Variants in SETD2 observed in about 807,000 individuals in gnomAD.
The protein encoded by SETD2 is histone-lysine N-methyltransferase SETD2.
In SETD2, 31 loss-of-function variants were observed where a neutral mutation model predicts 242.1. That is an observed-to-expected ratio of 0.13 (90% confidence interval 0.10 to 0.17). SETD2 has a LOEUF of 0.17. SETD2 is among the 10% of genes least tolerant of loss of function. The probability of loss-of-function intolerance (pLI) is 1.00; values close to 1 mark genes in which losing one functional copy is unlikely to be tolerated. For synonymous variants in SETD2, 1,006 were observed against 1,066.5 expected (o/e 0.94, Z 1.11); for missense variants, 2,481 against 3,046.3 (o/e 0.81, Z 4.37).
At chr3:47,062,573 T>C (rs1415826897) in intron 13 of SETD2, among the ~76,000 whole-genome samples, 2 of 152,190 alleles carry the variant, frequency 1.3e-5, no homozygotes, top group Non-Finnish European at 2.9e-5. Context: ...CCTTTTCTCC[T>C]CTTTCCCTCC....
intron 1 of SETD2, among the ~76,000 whole-genome samples, chr3:47,131,636 T>C (rs1322234775): frequency 6.6e-6 from 1 of 151,988 alleles, no homozygotes; most frequent in African/African-American, 2.4e-5. Flanking sequence ...CCACTGCACC[T>C]GGCCAAATTA....
At chr3:47,047,558 C>A (rs2039587208) in intron 15 of SETD2, among the ~76,000 whole-genome samples, 1 of 152,064 alleles carries the variant, frequency 6.6e-6, no homozygotes, top group South Asian at 2.1e-4. Context: ...ACTCAAAATA[C>A]AAAATATAAT....
intron 18 of SETD2, among the ~76,000 whole-genome samples, chr3:47,021,466 T>C (rs901904781): frequency 6.6e-5 from 10 of 152,116 alleles, no homozygotes; most frequent in African/African-American, 2.4e-4. Context: ...CCTGACTTGA[T>C]GAGGTTGGCG....
At chr3:47,079,652 C>A (rs2041243371) in intron 12 of SETD2, among the ~76,000 whole-genome samples, 1 of 152,104 alleles carries the variant, frequency 6.6e-6, no homozygotes, top group South Asian at 2.1e-4. Flanking sequence ...GCTTTGTGAG[C>A]CATCCAGTCT....
chr3:47,070,425 A>T (rs569647822), intron 12 of SETD2, among the ~76,000 whole-genome samples: 81 of 152,316 alleles, frequency 5.3e-4, no homozygotes, highest in African/African-American at 1.8e-3. Context: ...CTGGCAACTC[A>T]AATTACCTAC....
chr3:47,080,589 C>T (rs953325706), intron 12 of SETD2, among the ~76,000 whole-genome samples: 1 of 152,166 alleles, frequency 6.6e-6, no homozygotes, highest in South Asian at 2.1e-4. Flanking sequence ...GGGTGATATG[C>T]AACAATTTCT....
intron 18 of SETD2, among the ~76,000 whole-genome samples, chr3:47,023,047 T>C (rs933437074): frequency 1.3e-5 from 2 of 152,200 alleles, no homozygotes. Flanking sequence ...AAATGAGTCC[T>C]GACAAAGGCA....
intron 1 of SETD2, among the ~76,000 whole-genome samples, chr3:47,146,760 G>C (rs2043865336): frequency 6.6e-6 from 1 of 151,992 alleles, no homozygotes; most frequent in African/African-American, 2.4e-5. Context: ...AACATGGAGA[G>C]ATCTTGCCTC....
intron 2 of SETD2, among the ~76,000 whole-genome samples, chr3:47,126,408 TTCTC>T (rs1159018328): frequency 6.6e-6 from 1 of 152,200 alleles, no homozygotes; most frequent in African/African-American, 2.4e-5. Context: ...ACTTCCAACT[TTCTC>T]TACCTTTCCT....
intron 12 of SETD2, among the ~76,000 whole-genome samples, chr3:47,076,511 A>G (rs1009889915): frequency 6.6e-6 from 1 of 152,240 alleles, no homozygotes; most frequent in Non-Finnish European, 1.5e-5. Flanking sequence ...GAAGTAATTT[A>G]TAATAACCAT....
intron 16 of SETD2, among the ~76,000 whole-genome samples, chr3:47,044,273 G>A (rs1286907039): frequency 6.9e-6 from 1 of 143,920 alleles, no homozygotes; most frequent in Admixed American, 7.3e-5. Flanking sequence ...AACCTGGGAG[G>A]CGGAGGTTGC....
At chr3:47,152,337 G>C (rs934077332) in intron 1 of SETD2, among the ~76,000 whole-genome samples, 2 of 152,134 alleles carry the variant, frequency 1.3e-5, no homozygotes, top group African/African-American at 4.8e-5. Flanking sequence ...CTCCAATCAA[G>C]TATTGATAAA....
chr3:47,145,248 G>T (rs1271322600), intron 1 of SETD2, among the ~76,000 whole-genome samples: 1 of 151,836 alleles, frequency 6.6e-6, no homozygotes, highest in African/African-American at 2.4e-5. Flanking sequence ...GAGATATCTT[G>T]GGGCCAGATA....
chr3:47,074,560 T>C (rs1184533775), intron 12 of SETD2, among the ~76,000 whole-genome samples: 1 of 152,140 alleles, frequency 6.6e-6, no homozygotes, highest in Non-Finnish European at 1.5e-5. Context: ...GTCCTCCTAG[T>C]TCACTGCCTC....
At position 47,123,091 on chromosome 3, in the gene SETD2, T is replaced by G; in HGVS notation, c.1545A>C (p.Glu515Asp). 1 of 1,613,676 alleles carries G rather than the reference T, an allele frequency of 6.2e-7. No homozygotes were observed. ...TTTCTGAAGTCCTTTTAGATTCTCTTTCTAGTTTTGAAGAATACTTGCCTC... is the reference window on the plus strand; with the variant it reads ...TTTCTGAAGTCCTTTTAGATTCTCTGTCTAGTTTTGAAGAATACTTGCCTC... Reference protein sequence around the residue: ...ERRGKYSSKLERESKRTSENE... With the variant: ...ERRGKYSSKLDRESKRTSENE... Residue 515 changes from glutamate (E) to aspartate (D), a missense_variant, in exon 3 of 21, where the codon GAA (glutamate) becomes GAC (aspartate). Coordinates refer to ENST00000409792, the MANE Select transcript of SETD2 (RefSeq NM_014159.7).
rs1030284173 is a variant in SETD2, at chr3:47,017,275, G to A, written c.7534-21C>T. ...GTCAGCTGTCCAGGGCACAGGAAGA[G>A]AGACCACAGCCACCAATCAGAGCAG... On this transcript the variant is annotated intron_variant, in intron 20 of 20. Transcript: ENST00000409792. The surrounding 1 kb of genome is among the most constrained non-coding windows in gnomAD (Gnocchi z 4.8). 6.2e-7 allele frequency: 1 copy of A among 1,613,360 alleles called. No individual in the cohort carries two copies. Among genetic ancestry groups the A allele is most frequent in the African/African-American group, 1.3e-5 (1 of 74,986 alleles).
chr3:47,117,211 C>T (rs2042888785), intron 3 of SETD2, among the ~76,000 whole-genome samples: 1 of 139,174 alleles, frequency 7.2e-6, no homozygotes, highest in Non-Finnish European at 1.5e-5. Flanking sequence ...CAAAATAAAA[C>T]ATCTAATTAT....
In SETD2 at chr3:47,046,346, A is replaced by T. The variant is rs1056649573; in HGVS notation, c.7098+141T>A. On this transcript the variant is annotated intron_variant, in intron 16 of 20. Coordinates refer to ENST00000409792, the MANE Select transcript of SETD2 (RefSeq NM_014159.7). ...AGCGAGACTCTGTCTCAAAAAAAAA[A>T]TAAAATAAAATAAAATAAAACAAAG... 142 of 596,006 alleles carry T rather than the reference A, an allele frequency of 2.4e-4. 2 individuals are homozygous for T. The African/African-American group carries it at 2.4e-3, about 10-fold the overall frequency. The allele number at this position is 596,006 out of a possible 1,614,324, so 36.9% of individuals were successfully genotyped here. A position where few individuals can be genotyped will look rare whatever the true frequency, so the allele number is the denominator to read the frequency against.
At chr3:47,033,666 T>TTTC (rs2038877573) in intron 18 of SETD2, among the ~76,000 whole-genome samples, 1 of 142,106 alleles carries the variant, frequency 7.0e-6, no homozygotes, top group Non-Finnish European at 1.5e-5. Context: ...TTTTTTTTTT[T>TTTC]TTTTTTTTTT....
Sources: gnomAD v4.1 joint callset for allele counts (sites outside exome capture counted in the v4.1 genomes callset) on GRCh38, gnomAD v4.1.1 for gene constraint, Gnocchi (gnomAD v3.1) non-coding constraint, MANE v1.5 for transcripts, NCBI Gene and HGNC (gene_info 2026-07-23, HGNC 2026-07-21) for gene names.